SCHIP1: variants seen among roughly 807,000 people sequenced by gnomAD.
The protein encoded by SCHIP1 is schwannomin interacting protein 1, also known as schwannomin-interacting protein 1.
In SCHIP1, 8 loss-of-function variants were observed where a neutral mutation model predicts 29.7. The ratio of observed to expected loss-of-function variants is 0.27; its 90% CI spans 0.16 to 0.49. The LOEUF is 0.49. Among genes scored for constraint, SCHIP1 ranks in the 20% least tolerant of loss-of-function variants. SCHIP1 has a pLI of 0.99. For missense variants in SCHIP1, 193 were observed against 294.6 expected (o/e 0.66, Z 2.52); for synonymous variants, 76 against 94.9 (o/e 0.80, Z 1.16).
the SCHIP1 span, among the ~76,000 whole-genome samples, chr3:159,428,710 G>A: frequency 6.6e-6 from 1 of 151,446 alleles, no homozygotes; most frequent in Non-Finnish European, 1.5e-5. Context: ...ATACCCAAAG[G>A]ACTATAAATC....
chr3:159,848,487 G>A (rs893532172), intron 1 of SCHIP1, among the ~76,000 whole-genome samples: 14 of 152,088 alleles, frequency 9.2e-5, no homozygotes, highest in African/African-American at 3.4e-4. Flanking sequence ...GTATTCATTT[G>A]GACCACATGG....
the SCHIP1 span, among the ~76,000 whole-genome samples, chr3:159,795,672 G>C: frequency 6.6e-6 from 1 of 152,176 alleles, no homozygotes; most frequent in African/African-American, 2.4e-5. Flanking sequence ...CTTCATTTGG[G>C]TAGGTTAGAG....
chr3:159,613,058 G>C, the SCHIP1 span, among the ~76,000 whole-genome samples: 1 of 152,062 alleles, frequency 6.6e-6, no homozygotes, highest in African/African-American at 2.4e-5. Context: ...GTCATTTTTG[G>C]TCACATAATA....
the SCHIP1 span, among the ~76,000 whole-genome samples, chr3:159,635,788 T>C: frequency 6.6e-6 from 1 of 152,252 alleles, no homozygotes; most frequent in Non-Finnish European, 1.5e-5. Context: ...GAAGGACATT[T>C]CATAATCACA....
chr3:159,691,448 C>T, the SCHIP1 span, among the ~76,000 whole-genome samples: 24,024 of 118,732 alleles, frequency 0.2, 2,314 homozygotes, highest in Middle Eastern at 0.34. Flanking sequence ...TTTCCATTTG[C>T]TTGGTAAATA....
At chr3:159,788,339 G>T in the SCHIP1 span, among the ~76,000 whole-genome samples, 37,133 of 152,166 alleles carry the variant, frequency 0.24, 4,811 homozygotes, top group East Asian at 0.45. Flanking sequence ...TAAATACAAG[G>T]CGTTACAGAA....
the SCHIP1 span, among the ~76,000 whole-genome samples, chr3:159,321,910 C>T: frequency 6.6e-6 from 1 of 151,976 alleles, no homozygotes; most frequent in Non-Finnish European, 1.5e-5. Flanking sequence ...AATTATATTA[C>T]TAACTCTTTT....
the SCHIP1 span, chr3:159,309,259 A>C: frequency 1.0e-5 from 2 of 192,102 alleles, no homozygotes. Flanking sequence ...TAATGGAAAA[A>C]GGAAATCGTA....
chr3:159,755,193 C>A, the SCHIP1 span, among the ~76,000 whole-genome samples: 2 of 152,140 alleles, frequency 1.3e-5, no homozygotes, highest in African/African-American at 4.8e-5. Context: ...CAACATCACG[C>A]CACTGGACTC....
chr3:159,556,693 T>A, the SCHIP1 span, among the ~76,000 whole-genome samples: 3 of 144,422 alleles, frequency 2.1e-5, no homozygotes, highest in Admixed American at 7.3e-5. Flanking sequence ...CCGCTTGTTC[T>A]CACTCATAGG....
chr3:159,309,688 G>T, the SCHIP1 span, among the ~76,000 whole-genome samples: 9 of 152,030 alleles, frequency 5.9e-5, no homozygotes, highest in Non-Finnish European at 1.0e-4. Context: ...TTTTAAAGAT[G>T]AATTAAAGAT....
At chr3:159,684,676 C>A in the SCHIP1 span, among the ~76,000 whole-genome samples, 1 of 151,596 alleles carries the variant, frequency 6.6e-6, no homozygotes, top group South Asian at 2.1e-4. Flanking sequence ...TGGTGGCATG[C>A]AACTGTAATC....
At chr3:159,878,575 G>T (rs1255999258) in intron 2 of SCHIP1, among the ~76,000 whole-genome samples, 1 of 151,450 alleles carries the variant, frequency 6.6e-6, no homozygotes, top group East Asian at 1.9e-4. Context: ...TCAGGAGATC[G>T]AGACCATCCC....
At chr3:159,553,149 A>T in the SCHIP1 span, among the ~76,000 whole-genome samples, 1 of 152,048 alleles carries the variant, frequency 6.6e-6, no homozygotes, top group Non-Finnish European at 1.5e-5. Context: ...ATATTTTTAG[A>T]TAAATATAAA....
the SCHIP1 span, among the ~76,000 whole-genome samples, chr3:159,495,529 A>G: frequency 4.2e-3 from 641 of 152,326 alleles, 8 homozygotes; most frequent in African/African-American, 0.015. Flanking sequence ...AGAATAAAAT[A>G]CCTAGCAATC....
At chr3:159,887,605 T>C in intron 3 of SCHIP1, 103 bp from the exon 5 acceptor site, 1 of 1,332,938 alleles carries the variant, frequency 7.5e-7, no homozygotes, top group South Asian at 1.3e-5. Context: ...GAGGGAACTC[T>C]GAGCTGCTCT....
At chr3:159,765,169 G>GCA in the SCHIP1 span, 6 of 1,535,354 alleles carry the variant, frequency 3.9e-6, no homozygotes, top group Admixed American at 1.0e-4. Flanking sequence ...GCCCACGCGC[G>GCA]CACACACGCG....
chr3:159,591,115 A>G, the SCHIP1 span, among the ~76,000 whole-genome samples: 1 of 152,206 alleles, frequency 6.6e-6, no homozygotes, highest in South Asian at 2.1e-4. Flanking sequence ...AAAGACCCCC[A>G]AATGATATTC....
chr3:159,287,081 C>A, the SCHIP1 span, among the ~76,000 whole-genome samples: 1 of 152,036 alleles, frequency 6.6e-6, no homozygotes, highest in African/African-American at 2.4e-5. Flanking sequence ...AGTTAGGTCT[C>A]ATTTGTCAAT....
Sources: allele counts gnomAD v4.1 joint callset (sites outside exome capture counted in the v4.1 genomes callset), GRCh38; gene constraint gnomAD v4.1.1; transcripts MANE v1.5; gene names NCBI Gene and HGNC (gene_info 2026-07-23, HGNC 2026-07-21).